The following PRKCH variants were observed in gnomAD, a reference collection of about 807,000 sequenced individuals.
The protein encoded by PRKCH is protein kinase C eta.
Under a neutral mutation model 82.5 loss-of-function variants are expected in PRKCH, and 28 were observed. The ratio of observed to expected loss-of-function variants is 0.34; its 90% confidence interval spans 0.25 to 0.47. The LOEUF is 0.47. PRKCH is among the 20% of genes least tolerant of loss of function. The pLI is 1.00. For synonymous variants in PRKCH, 322 were observed against 327.4 expected (o/e 0.98, Z 0.18); for missense variants, 705 against 881.8 (o/e 0.80, Z 2.54).
At chr14:61,517,881 T>C (rs1009340465) in intron 10 of PRKCH, among the ~76,000 whole-genome samples, 1 of 152,236 alleles carries the variant, frequency 6.6e-6, no homozygotes, top group African/African-American at 2.4e-5. Flanking sequence ...ATACCTATCC[T>C]GTTCCTGGCT....
At chr14:61,323,974 T>C (rs1471482098) in intron 1 of PRKCH, among the ~76,000 whole-genome samples, 1 of 152,202 alleles carries the variant, frequency 6.6e-6, no homozygotes, top group African/African-American at 2.4e-5. Flanking sequence ...GAAGCATCTC[T>C]TCCTGGAGAT....
chr14:61,404,951 C>T (rs1230237744), intron 2 of PRKCH, among the ~76,000 whole-genome samples: 4 of 73,106 alleles, frequency 5.5e-5, no homozygotes, highest in Admixed American at 1.1e-4. Flanking sequence ...CTTTCCTCTT[C>T]AAGAATACCC....
rs751451557 is a variant in PRKCH at position 61,485,648 on chromosome 14, C to A, written c.1425C>A (p.Ile475=). Residue 475 remains isoleucine, a synonymous_variant, in exon 10 of 14, where the codon ATC becomes ATA. Coordinates refer to ENST00000332981, the MANE Select transcript of PRKCH (RefSeq NM_006255.5). ...SALMFLHDKG[I]IYRDLKLDNV... ...TCATGTTCCTCCATGATAAAGGAAT[C>A]ATCTATAGGTGAGTTTTGGTTGCTG... 2.5e-6 allele frequency: 4 copies of A among 1,613,386 alleles called. No homozygotes were observed. The Admixed American group carries it at 5.0e-5, about 20-fold the overall frequency.
chr14:61,261,102 A>G (rs917780244), intron 1 of PRKCH, among the ~76,000 whole-genome samples: 1 of 152,208 alleles, frequency 6.6e-6, no homozygotes, highest in Non-Finnish European at 1.5e-5. Context: ...CACCACCACC[A>G]ACAAAAAAAC....
chr14:61,433,052 A>AAAAAAAAAAAAAAAAAAAAAC, intron 2 of PRKCH, among the ~76,000 whole-genome samples: 1 of 149,738 alleles, frequency 6.7e-6, no homozygotes, highest in African/African-American at 2.5e-5. Context: ...TCAAAAAAAA[A>AAAAAAAAAAAAAAAAAAAAAC]AAAAAAAAAC....
intron 10 of PRKCH, among the ~76,000 whole-genome samples, chr14:61,502,188 T>C (rs1320321664): frequency 6.6e-6 from 1 of 151,092 alleles, no homozygotes; most frequent in African/African-American, 2.4e-5. Flanking sequence ...CCTCAGCCTC[T>C]TGAGTAGCTG....
chr14:61,463,033 A>G (rs1294811817), intron 9 of PRKCH: 2 of 152,166 alleles, frequency 1.3e-5, no homozygotes, highest in Admixed American at 6.5e-5. Context: ...CTCCCCTCCA[A>G]CCTGACAATA....
In PRKCH at chr14:61,428,257, C is replaced by T. The variant is rs761587323; in HGVS notation, c.428-14854C>T. Among the ~76,000 whole-genome samples, 24 of 151,968 alleles carry T rather than the reference C, an allele frequency of 1.6e-4. 1 individual carries two copies. Among genetic ancestry groups the T allele is most frequent in the Admixed American group, 1.4e-3 (22 of 15,262 alleles). On this transcript the variant is annotated intron_variant, in intron 2 of 13. Coordinates refer to ENST00000332981, the MANE Select transcript of PRKCH (RefSeq NM_006255.5). ...CAAGCAGTCTACCTGCCTCACCCTCCGAAAGTGCTGGGATTATAGGTGCTC... is the reference window on the plus strand; with the variant it reads ...CAAGCAGTCTACCTGCCTCACCCTCTGAAAGTGCTGGGATTATAGGTGCTC...
chr14:61,266,846 C>A (rs896524335), intron 1 of PRKCH, among the ~76,000 whole-genome samples: 2 of 152,040 alleles, frequency 1.3e-5, no homozygotes, highest in African/African-American at 4.8e-5. Flanking sequence ...TTTGCTGAAA[C>A]GGCGCCTAGG....
rs1292795987 is a variant in PRKCH at position 61,443,107 on chromosome 14, A to G, written c.428-4A>G. 8.7e-6 allele frequency: 14 copies of G among 1,612,234 alleles called. No homozygotes were observed. Among genetic ancestry groups the G allele is most frequent in the Middle Eastern group, 1.7e-4 (1 of 6,046 alleles). On this transcript the variant is annotated splice_region_variant and splice_polypyrimidine_tract_variant and intron_variant, in intron 2 of 13. Transcript: ENST00000332981. ...TTCTTTTTTTCCTTCCTTTTAATAT[A>G]TAGCTACTCTCCAGAGAGACCGGAT... is the stretch of plus-strand genomic sequence containing the variant.
At chr14:61,441,921 A>G (rs536855670) in intron 2 of PRKCH, among the ~76,000 whole-genome samples, 5 of 152,104 alleles carry the variant, frequency 3.3e-5, no homozygotes, top group African/African-American at 1.2e-4. Context: ...AAGTGTTGGT[A>G]TTACAGACAT....
chr14:61,450,396 C>G (rs763559513), intron 5 of PRKCH, among the ~76,000 whole-genome samples: 2 of 152,148 alleles, frequency 1.3e-5, no homozygotes, highest in Non-Finnish European at 2.9e-5. Flanking sequence ...GTTCCATGGC[C>G]TCTGAGTCTC....
At chr14:61,327,034 G>T (rs1355212241) in intron 1 of PRKCH, 1 of 455,956 alleles carries the variant, frequency 2.2e-6, no homozygotes, top group Non-Finnish European at 4.4e-6. Flanking sequence ...AGGAGCTGGA[G>T]GCTGCGTCAT....
At chr14:61,274,715 A>C (rs1594885540) in intron 1 of PRKCH, among the ~76,000 whole-genome samples, 1 of 152,322 alleles carries the variant, frequency 6.6e-6, no homozygotes, top group East Asian at 1.9e-4. Flanking sequence ...GGTTTGGAGA[A>C]GTGGCCAATG....
chr14:61,489,472 G>A (rs112386729), intron 10 of PRKCH, among the ~76,000 whole-genome samples: 16 of 152,308 alleles, frequency 1.1e-4, no homozygotes, highest in Admixed American at 1.3e-4. Flanking sequence ...CACGCATTCC[G>A]TCTTGTGTTC....
At position 61,399,895 on chromosome 14, in the gene PRKCH, GA is replaced by G. The variant is rs35192338; in HGVS notation, c.427+8615del. 4.1e-3 allele frequency among the ~76,000 whole-genome samples: 625 copies of G among 151,676 alleles called. 4 individuals are homozygous for G. Among genetic ancestry groups the G allele is most frequent in the African/African-American group, 0.014 (587 of 41,390 alleles). Reference sequence around the variant, plus strand: ...TATTTGTGAATTTGAAGCTTGTTTAGAAAAAAAAGGCCTTTTACTTCTGCTA... The same window carrying G: ...TATTTGTGAATTTGAAGCTTGTTTAGAAAAAAAGGCCTTTTACTTCTGCTA... On this transcript the variant is annotated intron_variant, in intron 2 of 13. Transcript: ENST00000332981.
At chr14:61,222,002 TG>T (rs920756269) in intron 1 of PRKCH, among the ~76,000 whole-genome samples, 12 of 152,158 alleles carry the variant, frequency 7.9e-5, no homozygotes, top group African/African-American at 2.4e-4. Flanking sequence ...GGGTCTGAGA[TG>T]GGGGGAAGTA....
intron 1 of PRKCH, among the ~76,000 whole-genome samples, chr14:61,190,621 G>A (rs1199722823): frequency 6.6e-6 from 1 of 152,052 alleles, no homozygotes; most frequent in African/African-American, 2.4e-5. Context: ...AGGCTTGCCC[G>A]TGTGGTCCCA....
chr14:61,396,985 G>A (rs1338635391), intron 2 of PRKCH, among the ~76,000 whole-genome samples: 1 of 152,230 alleles, frequency 6.6e-6, no homozygotes, highest in African/African-American at 2.4e-5. Flanking sequence ...AGATACCAGT[G>A]AAGGGTTTTA....
Sources: gnomAD v4.1 joint callset for allele counts (sites outside exome capture counted in the v4.1 genomes callset) on GRCh38, gnomAD v4.1.1 for gene constraint, MANE v1.5 for transcripts, NCBI Gene and HGNC (gene_info 2026-07-23, HGNC 2026-07-21) for gene names.